PTPRC: variants seen among roughly 807,000 people sequenced by gnomAD.
PTPRC encodes the protein protein tyrosine phosphatase receptor type C, also known as receptor-type tyrosine-protein phosphatase C.
A neutral mutation model predicts 155.9 loss-of-function variants in PTPRC; 44 were observed. That is an observed-to-expected ratio of 0.28 (90% CI 0.22 to 0.36). The LOEUF is 0.36. Ranked by LOEUF, PTPRC falls within the 10% of genes least tolerant of loss-of-function variation. PTPRC has a pLI of 1.00. For missense variants in PTPRC, 1,401 were observed against 1,564.6 expected (o/e 0.90, Z 1.76); for synonymous variants, 525 against 533.1 (o/e 0.98, Z 0.21).
intron 23 of PTPRC, among the ~76,000 whole-genome samples, chr1:198,739,516 A>G (rs575677424): frequency 3.3e-5 from 5 of 151,992 alleles, no homozygotes; most frequent in South Asian, 2.1e-4. Context: ...GAGTCAATTC[A>G]GCAAGAGGAT....
At chr1:198,662,156 T>C (rs1557976655) in intron 2 of PTPRC, among the ~76,000 whole-genome samples, 1 of 152,210 alleles carries the variant, frequency 6.6e-6, no homozygotes, top group Non-Finnish European at 1.5e-5. Flanking sequence ...GTATTGGCTA[T>C]TTTATTAATA....
chr1:198,656,662 T>G (rs980281929), intron 2 of PTPRC, among the ~76,000 whole-genome samples: 4 of 151,608 alleles, frequency 2.6e-5, no homozygotes, highest in Admixed American at 6.6e-5. Flanking sequence ...TGTTTTTTTT[T>G]TTTTTGTCAT....
intron 14 of PTPRC, among the ~76,000 whole-genome samples, chr1:198,722,001 A>T (rs1653911726): frequency 1.3e-5 from 2 of 151,200 alleles, no homozygotes; most frequent in African/African-American, 4.8e-5. Context: ...ATTTGCCCTT[A>T]AAAAAATGTA....
At position 198,731,585 on chromosome 1, in the gene PTPRC, T is replaced by C. The variant is rs749598868; in HGVS notation, c.1865-32T>C. On this transcript the variant is annotated intron_variant, in intron 17 of 32. Coordinates refer to ENST00000442510, the MANE Select transcript of PTPRC (RefSeq NM_002838.5). The stretch of plus-strand genomic sequence containing the variant: ...TGTATGCCCACCTGAAAGACACATG[T>C]AACTAGTATTGAATCTTTAATATGT... The C allele has an allele frequency of 2.7e-6, 4 of 1,490,746 alleles. No homozygotes were observed. The Admixed American group carries it at 6.7e-5, about 25-fold the overall frequency. 92.3% of individuals were successfully genotyped at this position (1,490,746 alleles called of 1,614,324 possible).
rs1666375903 is a variant in PTPRC, at chr1:198,699,713, G to A, written c.439+9G>A. ...CAGCAATGCTATCTCAGGTTTGCGG[G>A]TCCTTTAGACTTGTGCAAATATGAA... On this transcript the variant is annotated intron_variant, in intron 5 of 32. Transcript: ENST00000442510. 6.2e-7 allele frequency: 1 copy of A among 1,614,122 alleles called. No homozygotes were observed. Among genetic ancestry groups the A allele is most frequent in the Non-Finnish European group, 8.5e-7 (1 of 1,180,010 alleles).
In PTPRC at chr1:198,702,418, C is replaced by A; in HGVS notation, c.471C>A (p.Thr157=). The change falls in exon 6 of 33, where the codon ACC becomes ACA. Residue 157 remains threonine, a synonymous_variant. Coordinates refer to ENST00000442510, the MANE Select transcript of PTPRC (RefSeq NM_002838.5). ...DVPGERSTAS[T]FPTDPVSPLT... Reference sequence around the variant, plus strand: ...CAGGAGAGAGGAGTACAGCCAGCACCTTTCCTACAGACCCAGTTTCCCCAT... The same window carrying A: ...CAGGAGAGAGGAGTACAGCCAGCACATTTCCTACAGACCCAGTTTCCCCAT... 1 of 1,614,172 alleles carries A rather than the reference C, an allele frequency of 6.2e-7. No homozygotes were observed. The highest frequency in any genetic ancestry group is 2.2e-5 in the East Asian group (1 of 44,886).
At chr1:198,707,995 T>C (rs1653088904) in intron 9 of PTPRC, 138 bp from the exon 10 acceptor site, 2 of 677,986 alleles carry the variant, frequency 2.9e-6, no homozygotes, top group Non-Finnish European at 4.9e-6. Context: ...ACTTTTCCCA[T>C]AGCAATCTCA....
chr1:198,679,396 A>ATTTTTTTTT (rs34684883), intron 2 of PTPRC, among the ~76,000 whole-genome samples: 1 of 109,962 alleles, frequency 9.1e-6, no homozygotes, highest in African/African-American at 3.6e-5. Context: ...ACGCCCAGCT[A>ATTTTTTTTT]TTTTTTTTTT....
At chr1:198,736,003 T>C (rs943160721) in intron 23 of PTPRC, among the ~76,000 whole-genome samples, 3 of 151,574 alleles carry the variant, frequency 2.0e-5, no homozygotes, top group African/African-American at 7.3e-5. Flanking sequence ...CTTTATGGTA[T>C]GTAAAATGTG....
chr1:198,701,519 T>C (rs78200658), intron 5 of PTPRC, among the ~76,000 whole-genome samples: 7,433 of 152,294 alleles, frequency 0.049, 285 homozygotes, highest in South Asian at 0.13. Context: ...GCTAGTCATC[T>C]AGTAGGAACC....
At chr1:198,709,945 C>A in intron 11 of PTPRC, 121 bp downstream of exon 11, 1 of 1,332,810 alleles carries the variant, frequency 7.5e-7, no homozygotes, top group South Asian at 1.4e-5. Context: ...TAAGCATATG[C>A]TTTTTATTTC....
At chr1:198,742,113 C>T in intron 24 of PTPRC, 87 bp downstream of exon 24, 1 of 1,601,910 alleles carries the variant, frequency 6.2e-7, no homozygotes, top group Non-Finnish European at 8.5e-7. Flanking sequence ...ACATCTTTCC[C>T]TTTGGCAATT....
intron 29 of PTPRC, among the ~76,000 whole-genome samples, chr1:198,751,376 C>T (rs1419436434): frequency 6.7e-6 from 1 of 149,750 alleles, no homozygotes; most frequent in Non-Finnish European, 1.5e-5. Context: ...TTAGCACCAA[C>T]CACATTATCT....
intron 20 of PTPRC, 52 bp from the exon 21 acceptor site, chr1:198,734,144 T>C: frequency 1.3e-6 from 2 of 1,555,432 alleles, no homozygotes; most frequent in Non-Finnish European, 1.8e-6. Context: ...TTCCTGTTAA[T>C]GAGTAATTGA....
Position 198,696,770 on chromosome 1 carries a change from C to A in PTPRC, c.159C>A (p.His53Gln), listed in dbSNP as rs1666224310. Residue 53 changes from histidine to glutamine, a missense_variant, in exon 4 of 33, where the codon CAC becomes CAA. Physicochemically the swap from His to Gln is conservative, Grantham distance 24. Transcript: ENST00000442510. ...TTTCAAGTGACCCCTTACCTACTCACACCACTGCATTCTCACCCGCAAGCA... is the reference window on the plus strand; with the variant it reads ...TTTCAAGTGACCCCTTACCTACTCAAACCACTGCATTCTCACCCGCAAGCA... ...VPLSSDPLPT[H>Q]TTAFSPASTF... 2.5e-6 allele frequency: 4 copies of A among 1,614,010 alleles called. No individual in the cohort carries two copies. The highest frequency in any genetic ancestry group is 3.4e-6 in the Non-Finnish European group (4 of 1,179,992).
At position 198,710,819 on chromosome 1, in the gene PTPRC, A is replaced by T. The variant is rs143690676; in HGVS notation, c.1171+995A>T. On this transcript the variant is annotated intron_variant, in intron 11 of 32. Coordinates refer to ENST00000442510, the MANE Select transcript of PTPRC (RefSeq NM_002838.5). The stretch of plus-strand genomic sequence containing the variant: ...TTGTTTATTAATGATAATATTGAGA[A>T]ATTTTTGACAAAACTTATAAATGTA... Among the ~76,000 whole-genome samples the T allele has an allele frequency of 2.8e-4, 43 of 152,256 alleles. No individual in the cohort carries two copies. The East Asian group carries it at 7.5e-3, about 27-fold the overall frequency.
At chr1:198,660,030 C>T (rs1471787161) in intron 2 of PTPRC, among the ~76,000 whole-genome samples, 80 of 115,900 alleles carry the variant, frequency 6.9e-4, no homozygotes, top group African/African-American at 2.4e-3. Flanking sequence ...TATATATGTC[C>T]ATATATATAT....
At chr1:198,754,481 T>A in intron 32 of PTPRC, 77 bp downstream of exon 32, 1 of 1,488,742 alleles carries the variant, frequency 6.7e-7, no homozygotes, top group Non-Finnish European at 9.3e-7. Context: ...TTTTCTTTTC[T>A]CCTCTCCTTT....
chr1:198,672,511 C>T (rs1333186453), intron 2 of PTPRC, among the ~76,000 whole-genome samples: 3 of 152,060 alleles, frequency 2.0e-5, no homozygotes, highest in Admixed American at 2.0e-4. Flanking sequence ...GCTCTGTTGC[C>T]CAGGCTGGAG....
Sources: allele counts gnomAD v4.1 joint callset (sites outside exome capture counted in the v4.1 genomes callset), GRCh38; gene constraint gnomAD v4.1.1; transcripts MANE v1.5; gene names NCBI Gene and HGNC (gene_info 2026-07-23, HGNC 2026-07-21).